MOB2: variants seen among roughly 807,000 people sequenced by gnomAD.
MOB2 encodes MOB2 Mps One Binder homolog.
In MOB2, 14 loss-of-function variants were observed where a neutral mutation model predicts 27.4. The ratio of observed to expected loss-of-function variants is 0.51; its 90% CI spans 0.34 to 0.80. The LOEUF (loss-of-function observed/expected upper bound fraction) is 0.80, where lower values mean the gene tolerates loss of function less well. Ranked by LOEUF, MOB2 falls within the 30% of genes least tolerant of loss-of-function variation. The probability of loss-of-function intolerance (pLI) is 0.01; values close to 1 mark genes in which losing one functional copy is unlikely to be tolerated. For missense variants in MOB2, 304 were observed against 354.6 expected (o/e 0.86, Z 1.15); for synonymous variants, 167 against 151.8 (o/e 1.10, Z -0.74).
rs1221029368 is a variant in MOB2, at chr11:1,471,434, A to C, written c.366-15T>G. On this transcript the variant is annotated splice_polypyrimidine_tract_variant and intron_variant, in intron 3 of 4. Transcript: ENST00000329957. ...AGTAGTACTGTCTGTGGAGACAGAG[A>C]CACGGTCAGGGCATGCGCCCGCTGC... 2 of 1,606,542 alleles carry C rather than the reference A, an allele frequency of 1.2e-6. No individual in the cohort carries two copies. Among genetic ancestry groups the C allele is most frequent in the African/African-American group, 2.7e-5 (2 of 74,860 alleles).
At chr11:1,486,107 G>A (rs1366499311) in intron 1 of MOB2, among the ~76,000 whole-genome samples, 1 of 152,232 alleles carries the variant, frequency 6.6e-6, no homozygotes, top group Non-Finnish European at 1.5e-5. Context: ...GACAAGGCAG[G>A]CTCCTGTGCC....
chr11:1,479,694 C>G (rs1847888513), intron 3 of MOB2, among the ~76,000 whole-genome samples: 1 of 152,238 alleles, frequency 6.6e-6, no homozygotes. Flanking sequence ...GACGCACTCA[C>G]AGGCACACAT....
intron 4 of MOB2, among the ~76,000 whole-genome samples, chr11:1,470,815 T>C (rs1349817954): frequency 6.6e-6 from 1 of 152,178 alleles, no homozygotes; most frequent in Admixed American, 6.5e-5. Context: ...GCCCCCGTGG[T>C]GTCTCCCTGA....
intron 3 of MOB2, among the ~76,000 whole-genome samples, chr11:1,474,496 GAT>G (rs1460636099): frequency 2.0e-4 from 31 of 152,236 alleles, no homozygotes; most frequent in African/African-American, 7.5e-4. Context: ...AGGCATGAGG[GAT>G]AGGTCAGCGT....
chr11:1,473,938 G>A (rs531874916), intron 3 of MOB2, among the ~76,000 whole-genome samples: 2 of 150,202 alleles, frequency 1.3e-5, no homozygotes, highest in South Asian at 2.1e-4. Context: ...CCTCTTGCAC[G>A]GAGGCCCCTG....
intron 3 of MOB2, chr11:1,471,916 G>A (rs1054307799): frequency 6.5e-6 from 1 of 153,738 alleles, no homozygotes; most frequent in African/African-American, 2.4e-5. Flanking sequence ...GAAAGCAGAG[G>A]AGGGCGGTGG....
chr11:1,478,210 G>A (rs1304036802), intron 3 of MOB2, among the ~76,000 whole-genome samples: 2 of 152,126 alleles, frequency 1.3e-5, no homozygotes, highest in South Asian at 2.1e-4. Flanking sequence ...CCCCACGGCC[G>A]CCCTGGAAAT....
chr11:1,480,330 C>A lies in MOB2; in HGVS notation c.365+63G>T, dbSNP rs1468424606. The A allele has an allele frequency of 5.5e-6, 8 of 1,453,842 alleles. No individual in the cohort carries two copies. In the Admixed American group the frequency reaches 8.7e-5, roughly 16 times the overall value. 90.1% of individuals were successfully genotyped at this position (1,453,842 alleles called of 1,614,324 possible). A position where few individuals can be genotyped will look rare whatever the true frequency, so the allele number is the denominator to read the frequency against. The stretch of plus-strand genomic sequence containing the variant: ...CTGAGAGGACAGGAGCCTGGGGCAG[C>A]GGGGGCTCAGAGCCCCACCGAGTCT... On this transcript the variant is annotated intron_variant, in intron 3 of 4. Coordinates refer to ENST00000329957, the MANE Select transcript of MOB2 (RefSeq NM_001172223.3).
At position 1,486,504 on chromosome 11, in the gene MOB2, G is replaced by C. The variant is rs1423023944; in HGVS notation, c.53C>G (p.Ser18Cys). The part of the protein sequence containing the change: ...LPEDQARPGQ[S>C]LQSGLCCKMV... ...TTTGCAGCAGAGTCCACTTTGCAGGGACTGGCCGGGCCGGGCTTGGTCTTC... is the reference window on the plus strand; with the variant it reads ...TTTGCAGCAGAGTCCACTTTGCAGGCACTGGCCGGGCCGGGCTTGGTCTTC... The change falls in exon 1 of 5, where the codon TCC (serine) becomes TGC (cysteine). Residue 18 changes from serine (S) to cysteine (C), a missense_variant. Ser to Cys is a moderately radical substitution (Grantham distance 112). Coordinates refer to ENST00000329957, the MANE Select transcript of MOB2 (RefSeq NM_001172223.3). 1.0e-5 allele frequency: 16 copies of C among 1,535,886 alleles called. No homozygotes were observed. Among genetic ancestry groups the C allele is most frequent in the Non-Finnish European group, 1.4e-5 (16 of 1,146,816 alleles).
intron 1 of MOB2, 56 bp from the exon 2 acceptor site, chr11:1,480,941 G>T (rs1373006827): frequency 6.5e-7 from 1 of 1,538,662 alleles, no homozygotes; most frequent in Non-Finnish European, 8.8e-7. Flanking sequence ...CCCAGGGTCT[G>T]CCCGGGGGGT....
intron 1 of MOB2, among the ~76,000 whole-genome samples, chr11:1,483,693 T>C (rs894392240): frequency 3.3e-5 from 5 of 152,182 alleles, no homozygotes; most frequent in South Asian, 2.1e-4. Flanking sequence ...AGCAAACTTC[T>C]CCTGGTCCTT....
intron 1 of MOB2, among the ~76,000 whole-genome samples, chr11:1,484,097 A>G (rs1043499763): frequency 3.3e-5 from 5 of 152,290 alleles, no homozygotes; most frequent in Middle Eastern, 3.4e-3. Flanking sequence ...AATCCTGGCC[A>G]GGCCCCACGG....
chr11:1,469,644 G>C lies in MOB2; in HGVS notation c.*528C>G, dbSNP rs1203329269. The C allele has an allele frequency of 8.8e-6, 4 of 456,982 alleles. No homozygotes were observed. In the Admixed American group the frequency reaches 9.4e-5, roughly 11 times the overall value. The allele number at this position is 456,982 out of a possible 1,614,324, so 28.3% of individuals were successfully genotyped here. On this transcript the variant is annotated 3_prime_UTR_variant, in exon 5 of 5. Transcript: ENST00000329957. ...GAAGGGGTGACAGGAGCAGGAGCAG[G>C]TGCAGGGCACCTCACACCACAGGCC... is the stretch of plus-strand genomic sequence containing the variant.
chr11:1,479,882 G>A (rs1217191153), intron 3 of MOB2, among the ~76,000 whole-genome samples: 2 of 152,240 alleles, frequency 1.3e-5, no homozygotes, highest in African/African-American at 4.8e-5. Flanking sequence ...CTACGCAAGT[G>A]AGGTGCTCAG....
rs575871741 is a variant in MOB2, at chr11:1,477,565, G to A, written c.365+2828C>T. 3.9e-5 allele frequency among the ~76,000 whole-genome samples: 6 copies of A among 152,268 alleles called. No individual in the cohort carries two copies. In the East Asian group the frequency reaches 5.8e-4, roughly 15 times the overall value. ...GCTCATGAACAGAACTGGTGGCTCC[G>A]TCGCCCTGCCTTCCTTCCAGCAAGA... On this transcript the variant is annotated intron_variant, in intron 3 of 4. Transcript: ENST00000329957.
At chr11:1,471,581 ACT>A in intron 3 of MOB2, 162 bp from the exon 4 acceptor site, 2 of 781,266 alleles carry the variant, frequency 2.6e-6, no homozygotes, top group Non-Finnish European at 4.0e-6. Flanking sequence ...GTCCCCACAC[ACT>A]GTCTGCGGGG....
intron 3 of MOB2, chr11:1,473,366 GCTC>G (rs1429974974): frequency 2.6e-5 from 4 of 152,322 alleles, no homozygotes; most frequent in African/African-American, 7.2e-5. Context: ...TTCAGCATCT[GCTC>G]CTCGAGAATG....
chr11:1,477,201 G>A (rs2133362645), intron 3 of MOB2, among the ~76,000 whole-genome samples: 1 of 152,340 alleles, frequency 6.6e-6, no homozygotes, highest in South Asian at 2.1e-4. Flanking sequence ...CCGTCCGTTT[G>A]CTTTGTGTGG....
In MOB2 at chr11:1,470,164, C is replaced by CG. The variant is rs1433383518; in HGVS notation, c.*7dup. ...TGCACACGTGTGCCCCTGTCCGGCCCGGGGGGCTCATCTCTCCTTCACGTG... is the reference window on the plus strand; with the variant it reads ...TGCACACGTGTGCCCCTGTCCGGCCCGGGGGGGCTCATCTCTCCTTCACGTG... On this transcript the variant is annotated 3_prime_UTR_variant, in exon 5 of 5. Coordinates refer to ENST00000329957, the MANE Select transcript of MOB2 (RefSeq NM_001172223.3). The CG allele has an allele frequency of 5.7e-6, 9 of 1,587,296 alleles. No homozygotes were observed. In the East Asian group the frequency reaches 6.9e-5, roughly 12 times the overall value.
Sources: allele counts gnomAD v4.1 joint callset (sites outside exome capture counted in the v4.1 genomes callset), GRCh38; gene constraint gnomAD v4.1.1; transcripts MANE v1.5; gene names NCBI Gene and HGNC (gene_info 2026-07-23, HGNC 2026-07-21).